TRMT9B: variants seen among roughly 807,000 people sequenced by gnomAD.
TRMT9B encodes the protein probable tRNA methyltransferase 9B.
A neutral mutation model predicts 11.5 loss-of-function variants in TRMT9B; 16 were observed. The ratio of observed to expected loss-of-function variants is 1.39; its 90% CI spans 0.94 to 2.11. TRMT9B has a LOEUF of 2.11. Among genes scored for constraint, TRMT9B ranks in the 30% most tolerant of loss-of-function variants. The pLI, the probability that TRMT9B is intolerant of heterozygous loss-of-function variation, is 0.00. For missense variants in TRMT9B, 941 were observed against 553.8 expected, an observed-to-expected ratio of 1.70 and a Z score of -7.02; for synonymous variants, 274 against 192.4, an observed-to-expected ratio of 1.42 and a Z score of -3.51.
rs1813947884 is a variant in TRMT9B at position 13,021,717 on chromosome 8, G to C, written c.1038G>C (p.Gly346=). ...AAGGGGAAATGAGGAGAAATGGAGG[G>C]GGAAATTTTCTGGATAGCACTAATA... is the stretch of plus-strand genomic sequence containing the variant. ...DHQGEMRRNG[G]GNFLDSTNTG... Residue 346 remains glycine (G), a synonymous_variant, in exon 5 of 5, where the codon GGG becomes GGC. Transcript: ENST00000524591. 6.2e-7 allele frequency: 1 copy of C among 1,613,730 alleles called. No individual in the cohort carries two copies. The highest frequency in any genetic ancestry group is 1.3e-5 in the African/African-American group (1 of 74,902).
chr8:12,999,822 G>A (rs2128884925), intron 2 of TRMT9B, among the ~76,000 whole-genome samples: 1 of 152,252 alleles, frequency 6.6e-6, no homozygotes, highest in East Asian at 1.9e-4. Flanking sequence ...GGTAGAAGTT[G>A]CCACTAGGCT....
At chr8:13,014,698 A>G (rs1472262836) in intron 4 of TRMT9B, among the ~76,000 whole-genome samples, 1 of 152,182 alleles carries the variant, frequency 6.6e-6, no homozygotes, top group East Asian at 1.9e-4. Flanking sequence ...GCAACACTAT[A>G]CAATGCTTTG....
intron 4 of TRMT9B, among the ~76,000 whole-genome samples, chr8:13,014,807 A>T (rs1406201775): frequency 1.3e-5 from 2 of 152,152 alleles, no homozygotes; most frequent in Admixed American, 1.3e-4. Flanking sequence ...TCAGGCCTGT[A>T]ATCCTAGCAC....
chr8:12,984,063 G>C (rs1464607157), intron 1 of TRMT9B, among the ~76,000 whole-genome samples: 1 of 152,146 alleles, frequency 6.6e-6, no homozygotes, highest in African/African-American at 2.4e-5. Flanking sequence ...TGTCCACATG[G>C]GTGGCTGAGA....
chr8:13,012,111 G>C, intron 3 of TRMT9B: 1 of 985,466 alleles, frequency 1.0e-6, no homozygotes, highest in African/African-American at 1.7e-5. Flanking sequence ...GGTTGCGCCA[G>C]TGTACTGAGC....
intron 2 of TRMT9B, among the ~76,000 whole-genome samples, chr8:13,002,541 C>T (rs1485033294): frequency 6.6e-6 from 1 of 152,182 alleles, no homozygotes; most frequent in East Asian, 1.9e-4. Flanking sequence ...TAGATTTATA[C>T]TCAGTTAGGA....
chr8:12,983,815 A>T (rs1805812022), intron 1 of TRMT9B, among the ~76,000 whole-genome samples: 1 of 152,194 alleles, frequency 6.6e-6, no homozygotes, highest in Admixed American at 6.5e-5. Flanking sequence ...ATCAAAACAT[A>T]GCATTGCAGA....
intron 1 of TRMT9B, among the ~76,000 whole-genome samples, chr8:12,978,654 A>G (rs1804851127): frequency 6.6e-6 from 1 of 152,220 alleles, no homozygotes; most frequent in Non-Finnish European, 1.5e-5. Flanking sequence ...CCAATATAGT[A>G]GCCACTGCAG....
chr8:13,021,509 G>T lies in TRMT9B; in HGVS notation c.830G>T (p.Trp277Leu). The change falls in exon 5 of 5, where the codon TGG becomes TTG. Residue 277 changes from tryptophan (W) to leucine (L), a missense_variant. By Grantham distance (61) the Trp-to-Leu change is moderately conservative. Coordinates refer to ENST00000524591, the MANE Select transcript of TRMT9B (RefSeq NM_020844.3). ...AGACCCTTGAAAAACACAGAAGTTT[G>T]GGCCAGTAGCACTGTAACAGTCCAG... is the stretch of plus-strand genomic sequence containing the variant. ...RVRPLKNTEV[W>L]ASSTVTVQPS... 1 of 1,613,612 alleles carries T rather than the reference G, an allele frequency of 6.2e-7. No homozygotes were observed. Among genetic ancestry groups the T allele is most frequent in the Non-Finnish European group, 8.5e-7 (1 of 1,179,586 alleles).
intron 2 of TRMT9B, among the ~76,000 whole-genome samples, chr8:12,991,456 A>G (rs1245450504): frequency 6.6e-6 from 1 of 152,200 alleles, no homozygotes; most frequent in Non-Finnish European, 1.5e-5. Context: ...TGTTCGGACC[A>G]ACTTGCATTT....
intron 2 of TRMT9B, among the ~76,000 whole-genome samples, chr8:12,996,818 C>T (rs1808425213): frequency 6.6e-6 from 1 of 152,082 alleles, no homozygotes; most frequent in South Asian, 2.1e-4. Context: ...AGAAACAGAA[C>T]ATTATCAGCA....
At chr8:13,006,995 C>T (rs541953483) in intron 3 of TRMT9B, 1 of 153,098 alleles carries the variant, frequency 6.5e-6, no homozygotes, top group Non-Finnish European at 1.5e-5. Flanking sequence ...GACAGTGGCT[C>T]TTCAGGGCCT....
chr8:12,958,956 T>G (rs1056488144), intron 1 of TRMT9B, among the ~76,000 whole-genome samples: 1 of 152,052 alleles, frequency 6.6e-6, no homozygotes, highest in African/African-American at 2.4e-5. Flanking sequence ...GGTCGGGGGC[T>G]GTGGGAGGGA....
intron 1 of TRMT9B, among the ~76,000 whole-genome samples, chr8:12,949,496 C>T (rs1800433968): frequency 6.6e-6 from 1 of 152,050 alleles, no homozygotes; most frequent in African/African-American, 2.4e-5. Flanking sequence ...TTTTTCTTTC[C>T]TTTCCCACAA....
intron 3 of TRMT9B, chr8:13,011,861 T>A: frequency 1.0e-6 from 1 of 979,260 alleles, no homozygotes. Context: ...TCTTTTCTAA[T>A]TCAAGTTCAA....
intron 1 of TRMT9B, among the ~76,000 whole-genome samples, chr8:12,974,616 G>C (rs1804144070): frequency 1.3e-5 from 2 of 152,302 alleles, no homozygotes; most frequent in Admixed American, 6.5e-5. Flanking sequence ...GGCGATGAAG[G>C]CTGGAAGCAA....
At chr8:12,964,643 C>T (rs1199700100) in intron 1 of TRMT9B, among the ~76,000 whole-genome samples, 1 of 152,182 alleles carries the variant, frequency 6.6e-6, no homozygotes, top group East Asian at 1.9e-4. Context: ...GGCACAGTCA[C>T]AGCTCATTGT....
rs199557196 is a variant in TRMT9B at position 13,021,939 on chromosome 8, C to T, written c.1260C>T (p.Leu420=). The T allele has an allele frequency of 7.4e-6, 12 of 1,613,748 alleles. No homozygotes were observed. The highest frequency in any genetic ancestry group is 1.7e-5 in the Admixed American group (1 of 60,008). ...RYYHVFREGE[L]CSLLKENVSE... ...ACCATGTGTTTCGAGAAGGGGAGCT[C>T]TGCAGTCTGCTCAAGGAGAATGTGT... Residue 420 remains leucine (L), a synonymous_variant, in exon 5 of 5, where the codon CTC becomes CTT. Transcript: ENST00000524591.
chr8:13,001,534 G>C (rs1051604574), intron 2 of TRMT9B, among the ~76,000 whole-genome samples: 1 of 152,126 alleles, frequency 6.6e-6, no homozygotes, highest in Non-Finnish European at 1.5e-5. Flanking sequence ...GGATGATCAG[G>C]AAAAATGCTT....
Sources: allele counts gnomAD v4.1 joint callset (sites outside exome capture counted in the v4.1 genomes callset), GRCh38; gene constraint gnomAD v4.1.1; transcripts MANE v1.5; gene names NCBI Gene and HGNC (gene_info 2026-07-23, HGNC 2026-07-21).